SLC20A2: variants seen among roughly 807,000 people sequenced by gnomAD.
SLC20A2 encodes the protein solute carrier family 20 member 2.
Under a neutral mutation model 61.0 loss-of-function variants are expected in SLC20A2, and 30 were observed. The ratio of observed to expected loss-of-function variants is 0.49; its 90% CI spans 0.37 to 0.67. SLC20A2 has a LOEUF of 0.67. Among genes scored for constraint, SLC20A2 ranks in the 30% least tolerant of loss-of-function variants. SLC20A2 has a pLI of 0.00. For synonymous variants in SLC20A2, 351 were observed against 353.3 expected, an observed-to-expected ratio of 0.99 and a Z score of 0.07; for missense variants, 626 against 866.4, an observed-to-expected ratio of 0.72 and a Z score of 3.48.
In SLC20A2 at chr8:42,417,104, C is replaced by T. The variant is rs549600255; in HGVS notation, c.*699G>A. On this transcript the variant is annotated 3_prime_UTR_variant, in exon 11 of 11. Transcript: ENST00000520262. ...ACACTGGCCAATGATTCCCCTGCTT[C>T]TTTGGTACTTTCCAAAATTCTCTGA... 3 of 152,876 alleles carry T rather than the reference C, an allele frequency of 2.0e-5. No homozygotes were observed. In the South Asian group the frequency reaches 6.2e-4, roughly 32 times the overall value. The allele number at this position is 152,876 out of a possible 1,614,324, so 9.5% of individuals were successfully genotyped here. A position where few individuals can be genotyped will look rare whatever the true frequency, so the allele number is the denominator to read the frequency against.
At chr8:42,519,230 G>A (rs1811497266) in intron 1 of SLC20A2, among the ~76,000 whole-genome samples, 1 of 152,152 alleles carries the variant, frequency 6.6e-6, no homozygotes, top group African/African-American at 2.4e-5. Context: ...CAGATCACGA[G>A]GTCAAGGGAT....
In SLC20A2 at chr8:42,417,592, A is replaced by G. The variant is rs955332945; in HGVS notation, c.*211T>C. 1.3e-5 allele frequency: 6 copies of G among 459,726 alleles called. No individual in the cohort carries two copies. The highest frequency in any genetic ancestry group is 3.2e-5 in the Admixed American group (1 of 30,830). The allele number at this position is 459,726 out of a possible 1,614,324, so 28.5% of individuals were successfully genotyped here. ...CCACGATACCAGTTTAATACATATT[A>G]TTATGTACAGTAGTTAAGTTAGCTC... On this transcript the variant is annotated 3_prime_UTR_variant, in exon 11 of 11. Coordinates refer to ENST00000520262, the MANE Select transcript of SLC20A2 (RefSeq NM_001257180.2).
chr8:42,497,853 G>A (rs757452052), intron 1 of SLC20A2, among the ~76,000 whole-genome samples: 3 of 151,890 alleles, frequency 2.0e-5, no homozygotes, highest in African/African-American at 2.4e-5. Context: ...CACGCAGGCC[G>A]CTCATGTTAT....
chr8:42,539,904 C>T (rs1563561183), intron 1 of SLC20A2, among the ~76,000 whole-genome samples: 2 of 152,172 alleles, frequency 1.3e-5, no homozygotes, highest in Non-Finnish European at 2.9e-5. Flanking sequence ...ATTTTTAAAG[C>T]CATCTTCCAA....
intron 1 of SLC20A2, among the ~76,000 whole-genome samples, chr8:42,477,861 G>T (rs1475725022): frequency 6.6e-6 from 1 of 151,968 alleles, no homozygotes; most frequent in East Asian, 1.9e-4. Context: ...ACTCAACGTG[G>T]TAAAGACACT....
At chr8:42,471,813 C>G (rs1198515858) in intron 2 of SLC20A2, among the ~76,000 whole-genome samples, 1 of 152,176 alleles carries the variant, frequency 6.6e-6, no homozygotes, top group African/African-American at 2.4e-5. Context: ...AAGCGCTGTT[C>G]TACAAAGGTC....
chr8:42,474,927 T>TGGGGGGG (rs1475733841), intron 1 of SLC20A2, among the ~76,000 whole-genome samples: 1 of 19,902 alleles, frequency 5.0e-5, no homozygotes, highest in Non-Finnish European at 9.7e-5. Context: ...GGGCCTGGTG[T>TGGGGGGG]GGGGGGTGGG....
intron 5 of SLC20A2, among the ~76,000 whole-genome samples, chr8:42,451,311 A>AAG (rs1805617941): frequency 7.0e-6 from 1 of 143,800 alleles, no homozygotes; most frequent in Non-Finnish European, 1.5e-5. Flanking sequence ...AGGAAGAGAT[A>AAG]AGGAGGAGGA....
At chr8:42,471,680 C>T (rs548434868) in intron 2 of SLC20A2, among the ~76,000 whole-genome samples, 1 of 152,266 alleles carries the variant, frequency 6.6e-6, no homozygotes, top group African/African-American at 2.4e-5. Context: ...GTTTTCAAAA[C>T]ATTGCCTCCT....
At chr8:42,430,323 T>C in intron 8 of SLC20A2, 74 bp from the exon 9 acceptor site, 1 of 1,258,890 alleles carries the variant, frequency 7.9e-7, no homozygotes, top group Non-Finnish European at 1.1e-6. Context: ...TGACTTTGTT[T>C]TATTGTGCTT....
intron 10 of SLC20A2, among the ~76,000 whole-genome samples, chr8:42,428,538 T>C (rs1803590325): frequency 6.6e-6 from 1 of 152,174 alleles, no homozygotes; most frequent in African/African-American, 2.4e-5. Context: ...CATTCTGCCT[T>C]GGAAAAGCCA....
chr8:42,463,237 G>A, intron 3 of SLC20A2, 147 bp from the exon 4 acceptor site: 5 of 539,706 alleles, frequency 9.3e-6, no homozygotes, highest in Non-Finnish European at 1.6e-5. Context: ...AACCTAACAA[G>A]CCCTGTGACT....
chr8:42,429,767 C>T lies in SLC20A2; in HGVS notation c.1709+297G>A, dbSNP rs550927088. Among the ~76,000 whole-genome samples the T allele has an allele frequency of 1.2e-4, 18 of 152,314 alleles. No homozygotes were observed. The South Asian group carries it at 2.1e-3, about 18-fold the overall frequency. On this transcript the variant is annotated intron_variant, in intron 9 of 10. Coordinates refer to ENST00000520262, the MANE Select transcript of SLC20A2 (RefSeq NM_001257180.2). Reference sequence around the variant, plus strand: ...TCCCTGCCCACCTGCCTTTGGCCCCCGTGCTGGCTGAGGGTGAGCTTCTCC... The same window carrying T: ...TCCCTGCCCACCTGCCTTTGGCCCCTGTGCTGGCTGAGGGTGAGCTTCTCC...
chr8:42,449,730 A>C (rs1805501766), intron 5 of SLC20A2, among the ~76,000 whole-genome samples: 1 of 152,234 alleles, frequency 6.6e-6, no homozygotes, highest in Admixed American at 6.5e-5. Context: ...ATGATGTACA[A>C]ATATGAACCT....
rs951180997 is a variant in SLC20A2 at position 42,477,262 on chromosome 8, G to A, written c.-264-4608C>T. Among the ~76,000 whole-genome samples, 11 of 152,246 alleles carry A rather than the reference G, an allele frequency of 7.2e-5. No homozygotes were observed. In the Middle Eastern group the frequency reaches 0.01, roughly 141 times the overall value. On this transcript the variant is annotated intron_variant, in intron 1 of 10. Coordinates refer to ENST00000520262, the MANE Select transcript of SLC20A2 (RefSeq NM_001257180.2). ...CAAGCAACTTGTAATTACTGGCATCGCTGTAGTCACAGGAAGAATAACAAA... is the reference window on the plus strand; with the variant it reads ...CAAGCAACTTGTAATTACTGGCATCACTGTAGTCACAGGAAGAATAACAAA...
At position 42,465,707 on chromosome 8, in the gene SLC20A2, A is replaced by G. The variant is rs537610224; in HGVS notation, c.430+70T>C. On this transcript the variant is annotated intron_variant, in intron 3 of 10. Coordinates refer to ENST00000520262, the MANE Select transcript of SLC20A2 (RefSeq NM_001257180.2). ...TCCGGGTCAAAAAAAAAAAAAAAGT[A>G]ACTTGTAATAAAACTTACTCTAGAA... 20 of 1,425,810 alleles carry G rather than the reference A, an allele frequency of 1.4e-5. No individual in the cohort carries two copies. In the South Asian group the frequency reaches 2.8e-4, roughly 20 times the overall value. 88.3% of individuals were successfully genotyped at this position (1,425,810 alleles called of 1,614,324 possible). A position where few individuals can be genotyped will look rare whatever the true frequency, so the allele number is the denominator to read the frequency against.
chr8:42,540,057 C>T (rs1812978919), intron 1 of SLC20A2, among the ~76,000 whole-genome samples: 1 of 152,096 alleles, frequency 6.6e-6, no homozygotes, highest in South Asian at 2.1e-4. Flanking sequence ...TTTGGGAGGC[C>T]GAGGCGGGCG....
rs543310929 is a variant in SLC20A2, at chr8:42,492,072, C to G, written c.-265+8959G>C. Among the ~76,000 whole-genome samples the G allele has an allele frequency of 4.6e-5, 7 of 152,250 alleles. No individual in the cohort carries two copies. In the East Asian group the frequency reaches 1.2e-3, roughly 25 times the overall value. ...TCTCCCCAAAGGAAATGAAGATGCA[C>G]TGGGCTGGGTGCGGTGGCTCACGTC... On this transcript the variant is annotated intron_variant, in intron 1 of 10. Coordinates refer to ENST00000520262, the MANE Select transcript of SLC20A2 (RefSeq NM_001257180.2).
chr8:42,417,832 G>T lies in SLC20A2; in HGVS notation c.1930C>A (p.Leu644Ile). 6.2e-7 allele frequency: 1 copy of T among 1,614,102 alleles called. No homozygotes were observed. The highest frequency in any genetic ancestry group is 8.5e-7 in the Non-Finnish European group (1 of 1,180,010). The change falls in exon 11 of 11, where the codon CTC (leucine) becomes ATC (isoleucine). Residue 644 changes from leucine (L) to isoleucine (I), a missense_variant. Leu to Ile is a conservative substitution (Grantham distance 5). Coordinates refer to ENST00000520262, the MANE Select transcript of SLC20A2 (RefSeq NM_001257180.2). The stretch of plus-strand genomic sequence containing the variant: ...ACATATGGAAGGATCCCATACATGA[G>T]AAGAGCCATGACAGCAGCGCTGAAC... ...GLFSAAVMAL[L>I]MYGILPYV
Sources: allele counts gnomAD v4.1 joint callset (sites outside exome capture counted in the v4.1 genomes callset), GRCh38; gene constraint gnomAD v4.1.1; transcripts MANE v1.5; gene names NCBI Gene and HGNC (gene_info 2026-07-23, HGNC 2026-07-21).